SNX32: variants seen among roughly 807,000 people sequenced by gnomAD.
SNX32 encodes sorting nexin-32.
A neutral mutation model predicts 57.0 loss-of-function variants in SNX32; 58 were observed. The observed-to-expected ratio is 1.02, with a 90% CI of 0.82 to 1.27. The LOEUF (loss-of-function observed/expected upper bound fraction) is 1.27. SNX32 is among the 50% of genes most tolerant of loss of function. SNX32 has a pLI of 0.00. For synonymous variants in SNX32, 262 were observed against 220.4 expected (o/e 1.19, Z -1.67); for missense variants, 589 against 541.2 (o/e 1.09, Z -0.88).
chr11:65,851,660 A>C lies in SNX32; in HGVS notation c.806A>C (p.Glu269Ala), dbSNP rs1386544710. 1.1e-5 allele frequency: 17 copies of C among 1,613,914 alleles called. No homozygotes were observed. The highest frequency in any genetic ancestry group is 1.4e-5 in the Non-Finnish European group (17 of 1,179,988). ...QLRTSFLKLA[E>A]LFERLRKLEG... Reference sequence around the variant, plus strand: ...CCTAGGAGCTTCCTCAAATTGGCAGAGCTCTTTGAACGGCTGAGGGTGAGT... The same window carrying C: ...CCTAGGAGCTTCCTCAAATTGGCAGCGCTCTTTGAACGGCTGAGGGTGAGT... Residue 269 changes from glutamate to alanine, a missense_variant, in exon 9 of 13, where the codon GAG (glutamate) becomes GCG (alanine). Transcript: ENST00000308342.
At chr11:65,852,598 G>A (rs966013845) in intron 10 of SNX32, 32 bp from the exon 11 acceptor site, 3 of 1,613,716 alleles carry the variant, frequency 1.9e-6, no homozygotes, top group South Asian at 1.1e-5. Flanking sequence ...TGCCAGGACA[G>A]GGCAGCAGTG....
At chr11:65,850,375 G>C in intron 4 of SNX32, 56 bp from the exon 5 acceptor site, 1 of 1,612,606 alleles carries the variant, frequency 6.2e-7, no homozygotes, top group Non-Finnish European at 8.5e-7. Flanking sequence ...CCAGAAAGGG[G>C]GCAGGCAGGA....
At chr11:65,853,101 G>C (rs1859274821) in intron 12 of SNX32, 143 bp downstream of exon 12, 1 of 1,268,272 alleles carries the variant, frequency 7.9e-7, no homozygotes, top group Non-Finnish European at 1.1e-6. Flanking sequence ...CCCCAGCTAA[G>C]GCTTGGGGCC....
In SNX32 at chr11:65,839,231, T is replaced by TTTTTTTTTTTTTTTTTG. The variant is rs1555032651; in HGVS notation, c.36+5131_36+5147dup. Among the ~76,000 whole-genome samples the TTTTTTTTTTTTTTTTTG allele has an allele frequency of 2.8e-4, 5 of 17,640 alleles. 1 individual carries two copies. Among genetic ancestry groups the TTTTTTTTTTTTTTTTTG allele is most frequent in the Non-Finnish European group, 7.8e-4 (5 of 6,416 alleles). 11.6% of individuals were successfully genotyped at this position (17,640 alleles called of 152,430 possible). ...GCCCAGCTAATTTTTTTGTATTTTT[T>TTTTTTTTTTTTTTTTTG]TTTTTTTTTTTTTTTTGAGACGGAG... On this transcript the variant is annotated intron_variant, in intron 1 of 12. Coordinates refer to ENST00000308342, the MANE Select transcript of SNX32 (RefSeq NM_152760.3).
At chr11:65,846,855 C>T (rs1410654182) in intron 1 of SNX32, among the ~76,000 whole-genome samples, 3 of 150,446 alleles carry the variant, frequency 2.0e-5, no homozygotes, top group Admixed American at 2.0e-4. Context: ...TGGTGGCGGG[C>T]GCCTGTAATC....
At chr11:65,837,932 G>T (rs1171103814) in intron 1 of SNX32, among the ~76,000 whole-genome samples, 2 of 151,914 alleles carry the variant, frequency 1.3e-5, no homozygotes, top group Admixed American at 6.6e-5. Flanking sequence ...AAGGTGGGTA[G>T]ATCACCTGAG....
chr11:65,843,129 G>A (rs545945759), intron 1 of SNX32, among the ~76,000 whole-genome samples: 12 of 150,534 alleles, frequency 8.0e-5, no homozygotes, highest in Admixed American at 4.0e-4. Flanking sequence ...GCTGAGGCAG[G>A]AGAATGGCTT....
chr11:65,847,528 AC>A (rs1190044614), intron 1 of SNX32, among the ~76,000 whole-genome samples: 1 of 152,078 alleles, frequency 6.6e-6, no homozygotes, highest in Non-Finnish European at 1.5e-5. Flanking sequence ...GGTGATGGTT[AC>A]CCAGCTGTAT....
chr11:65,850,750 G>C lies in SNX32; in HGVS notation c.499-1G>C, dbSNP rs761192930. The C allele has an allele frequency of 1.2e-6, 2 of 1,613,948 alleles. No homozygotes were observed. The highest frequency in any genetic ancestry group is 2.2e-5 in the South Asian group (2 of 91,054). On this transcript the variant is annotated splice_acceptor_variant, in intron 5 of 12. Transcript: ENST00000308342. LOFTEE classifies it high-confidence loss of function. The stretch of plus-strand genomic sequence containing the variant: ...CATCATACCCTCCCTGTGTGCCTCA[G>C]CTGAGTGTCCGGGGGAAGAACAGGA...
rs1417253870 is a variant in SNX32, at chr11:65,836,973, G to A, written c.36+2872G>A. Among the ~76,000 whole-genome samples, 8 of 152,026 alleles carry A rather than the reference G, an allele frequency of 5.3e-5. No individual in the cohort carries two copies. The East Asian group carries it at 1.2e-3, about 22-fold the overall frequency. On this transcript the variant is annotated intron_variant, in intron 1 of 12. Coordinates refer to ENST00000308342, the MANE Select transcript of SNX32 (RefSeq NM_152760.3). Reference sequence around the variant, plus strand: ...ATGTGGGGCTTAAAACCTAGATGACGGGTTGATAGGTGCAGCAAACCAGTA... The same window carrying A: ...ATGTGGGGCTTAAAACCTAGATGACAGGTTGATAGGTGCAGCAAACCAGTA...
intron 1 of SNX32, among the ~76,000 whole-genome samples, chr11:65,841,876 G>C (rs958568851): frequency 1.3e-5 from 2 of 151,918 alleles, no homozygotes; most frequent in African/African-American, 4.8e-5. Flanking sequence ...TAAATAATTG[G>C]AAAGATATTA....
At chr11:65,850,575 G>A in intron 5 of SNX32, 21 bp downstream of exon 5, 1 of 1,591,960 alleles carries the variant, frequency 6.3e-7, no homozygotes, top group East Asian at 2.3e-5. Context: ...CCGAATCCCT[G>A]GGGTCACCCT....
intron 8 of SNX32, 108 bp downstream of exon 8, chr11:65,851,511 G>C (rs1859195709): frequency 1.3e-6 from 2 of 1,511,646 alleles, no homozygotes; most frequent in African/African-American, 1.4e-5. Flanking sequence ...GGGAGGTGTA[G>C]GCTCTCCTGT....
At position 65,853,555 on chromosome 11, in the gene SNX32, C is replaced by T; in HGVS notation, c.*220C>T. On this transcript the variant is annotated 3_prime_UTR_variant, in exon 13 of 13. Coordinates refer to ENST00000308342, the MANE Select transcript of SNX32 (RefSeq NM_152760.3). The stretch of plus-strand genomic sequence containing the variant: ...GCAGCATGGGCATCATAACTGGCCA[C>T]AGTCAGCAGAGCCCCAGGGACCCTG... The T allele has an allele frequency of 3.4e-6, 2 of 592,908 alleles. No individual in the cohort carries two copies. The highest frequency in any genetic ancestry group is 5.9e-5 in the Admixed American group (2 of 33,798). The allele number at this position is 592,908 out of a possible 1,614,324, so 36.7% of individuals were successfully genotyped here. A position where few individuals can be genotyped will look rare whatever the true frequency, so the allele number is the denominator to read the frequency against.
intron 1 of SNX32, among the ~76,000 whole-genome samples, chr11:65,837,397 A>C (rs1858696886): frequency 6.6e-6 from 1 of 152,190 alleles, no homozygotes; most frequent in Non-Finnish European, 1.5e-5. Context: ...CTGTGGTCCC[A>C]GCTATGTGGG....
At chr11:65,841,440 G>A (rs1237532770) in intron 1 of SNX32, among the ~76,000 whole-genome samples, 1 of 152,004 alleles carries the variant, frequency 6.6e-6, no homozygotes, top group African/African-American at 2.4e-5. Context: ...GTTTCGCCAT[G>A]TTGCCCTGGT....
At chr11:65,847,564 T>C (rs988913039) in intron 1 of SNX32, among the ~76,000 whole-genome samples, 3 of 152,078 alleles carry the variant, frequency 2.0e-5, no homozygotes, top group African/African-American at 7.2e-5. Flanking sequence ...AATTGGTGCT[T>C]TACACTTAAA....
At chr11:65,852,584 CGGAT>C in intron 10 of SNX32, 33 bp downstream of exon 10, 1 of 1,613,984 alleles carries the variant, frequency 6.2e-7, no homozygotes, top group Non-Finnish European at 8.5e-7. Context: ...CGCTCAGGCC[CGGAT>C]GCCAGGACAG....
intron 1 of SNX32, among the ~76,000 whole-genome samples, chr11:65,844,821 C>G (rs1192495979): frequency 6.6e-6 from 1 of 151,886 alleles, no homozygotes; most frequent in Non-Finnish European, 1.5e-5. Flanking sequence ...CAAAAATTAG[C>G]CAGGCGTGGT....
Sources: allele counts gnomAD v4.1 joint callset (sites outside exome capture counted in the v4.1 genomes callset), GRCh38; gene constraint gnomAD v4.1.1; transcripts MANE v1.5; gene names NCBI Gene and HGNC (gene_info 2026-07-23, HGNC 2026-07-21).